SRD5A1: variants seen among roughly 807,000 people sequenced by gnomAD.
The protein encoded by SRD5A1 is 3-oxo-5-alpha-steroid 4-dehydrogenase 1.
A neutral mutation model predicts 28.2 loss-of-function variants in SRD5A1; 22 were observed. The ratio of observed to expected loss-of-function variants is 0.78; its 90% CI spans 0.56 to 1.12. SRD5A1 has a LOEUF of 1.12. Ranked by LOEUF, SRD5A1 falls within the 50% of genes most tolerant of loss-of-function variation. The probability of loss-of-function intolerance (pLI) is 0.00; values close to 1 mark genes in which losing one functional copy is unlikely to be tolerated. For synonymous variants in SRD5A1, 151 were observed against 135.0 expected, an observed-to-expected ratio of 1.12 and a Z score of -0.82; for missense variants, 300 against 346.7, an observed-to-expected ratio of 0.87 and a Z score of 1.07.
intron 2 of SRD5A1, 119 bp from the exon 3 acceptor site, chr5:6,655,959 A>G (rs1738818687): frequency 2.7e-6 from 2 of 727,318 alleles, no homozygotes; most frequent in Admixed American, 2.4e-5. Context: ...TATGGCTAAT[A>G]TGTTACACTA....
At chr5:6,642,859 T>A (rs1156252401) in intron 1 of SRD5A1, among the ~76,000 whole-genome samples, 3 of 152,230 alleles carry the variant, frequency 2.0e-5, no homozygotes, top group Admixed American at 6.5e-5. Context: ...CATAGTCAGC[T>A]TATTTGTGAC....
chr5:6,638,487 G>A (rs1428333490), intron 1 of SRD5A1, among the ~76,000 whole-genome samples: 1 of 152,240 alleles, frequency 6.6e-6, no homozygotes. Context: ...CCGGAGGTTA[G>A]TGGGTGGTTT....
chr5:6,640,476 A>G (rs1489415739), intron 1 of SRD5A1, among the ~76,000 whole-genome samples: 1 of 152,030 alleles, frequency 6.6e-6, no homozygotes, highest in Non-Finnish European at 1.5e-5. Flanking sequence ...ACAGACACCA[A>G]GGTTTGCAGT....
At chr5:6,642,767 T>G (rs1162815874) in intron 1 of SRD5A1, among the ~76,000 whole-genome samples, 2 of 152,238 alleles carry the variant, frequency 1.3e-5, no homozygotes, top group Non-Finnish European at 2.9e-5. Context: ...CAGAAAAGTT[T>G]CAGTCTCAGC....
intron 1 of SRD5A1, among the ~76,000 whole-genome samples, chr5:6,646,703 T>A (rs1449784518): frequency 6.6e-6 from 1 of 152,162 alleles, no homozygotes; most frequent in Non-Finnish European, 1.5e-5. Context: ...TCTATCTATT[T>A]TGTTGATCTT....
At chr5:6,639,716 T>C (rs758798975) in intron 1 of SRD5A1, among the ~76,000 whole-genome samples, 105 of 152,260 alleles carry the variant, frequency 6.9e-4, no homozygotes, top group Non-Finnish European at 1.1e-3. Context: ...AATTTCTCCG[T>C]GTCTCTCATT....
chr5:6,646,306 C>T (rs958316024), intron 1 of SRD5A1, among the ~76,000 whole-genome samples: 5 of 152,134 alleles, frequency 3.3e-5, no homozygotes, highest in Admixed American at 6.6e-5. Context: ...AATAAACATA[C>T]GTGTACATGT....
intron 4 of SRD5A1, among the ~76,000 whole-genome samples, chr5:6,666,396 CCTCA>C (rs1332339807): frequency 6.6e-6 from 1 of 152,168 alleles, no homozygotes; most frequent in Non-Finnish European, 1.5e-5. Context: ...GATTTGCCCG[CCTCA>C]GCCTCCCAAA....
intron 1 of SRD5A1, among the ~76,000 whole-genome samples, 159 bp downstream of exon 1, chr5:6,634,028 T>C (rs1434184168): frequency 6.6e-6 from 1 of 151,738 alleles, no homozygotes; most frequent in Non-Finnish European, 1.5e-5. Context: ...ACGGGTGCCC[T>C]TCCCCGAGTC....
chr5:6,662,386 G>A (rs1739034464), intron 3 of SRD5A1, among the ~76,000 whole-genome samples: 1 of 152,234 alleles, frequency 6.6e-6, no homozygotes, highest in African/African-American at 2.4e-5. Flanking sequence ...GCAGGGCATG[G>A]CCCATAATAC....
intron 1 of SRD5A1, among the ~76,000 whole-genome samples, chr5:6,640,420 C>G (rs1263865840): frequency 6.6e-6 from 1 of 152,220 alleles, no homozygotes; most frequent in Non-Finnish European, 1.5e-5. Context: ...TTAATACTCT[C>G]AGTTCAGCTC....
Position 6,670,931 on chromosome 5 carries a change from C to T in SRD5A1, c.*2663C>T, listed in dbSNP as rs1209007095. The stretch of plus-strand genomic sequence containing the variant: ...CTGATGGGCATTTGGGTTGGTTCCA[C>T]GATTTTGCAGTTGTGAATTGTGCTG... On this transcript the variant is annotated 3_prime_UTR_variant, in exon 5 of 5. Coordinates refer to ENST00000274192, the MANE Select transcript of SRD5A1 (RefSeq NM_001047.4). 6.6e-6 allele frequency: 1 copy of T among 152,140 alleles called. No homozygotes were observed. Among genetic ancestry groups the T allele is most frequent in the East Asian group, 1.9e-4 (1 of 5,198 alleles). The allele number at this position is 152,140 out of a possible 1,614,324, so 9.4% of individuals were successfully genotyped here.
chr5:6,670,335 A>C lies in SRD5A1; in HGVS notation c.*2067A>C, dbSNP rs1203906617. 1 of 140,790 alleles carries C rather than the reference A, an allele frequency of 7.1e-6. No individual in the cohort carries two copies. Among genetic ancestry groups the C allele is most frequent in the African/African-American group, 2.5e-5 (1 of 39,568 alleles). The allele number at this position is 140,790 out of a possible 1,614,324, so 8.7% of individuals were successfully genotyped here. ...GGCATGGCCATGGCTTCTCCCTCAG[A>C]GAGGCCTCTGTGCACGACTTCAGTC... On this transcript the variant is annotated 3_prime_UTR_variant, in exon 5 of 5. Transcript: ENST00000274192.
At chr5:6,644,881 G>C in intron 1 of SRD5A1, 1 of 455,966 alleles carries the variant, frequency 2.2e-6, no homozygotes, top group Non-Finnish European at 4.4e-6. Context: ...TTGTCTGCCC[G>C]GATCTGAATC....
intron 4 of SRD5A1, among the ~76,000 whole-genome samples, chr5:6,667,598 C>A (rs1739224007): frequency 6.6e-6 from 1 of 152,120 alleles, no homozygotes; most frequent in Admixed American, 6.5e-5. Flanking sequence ...GCTATTATCC[C>A]CAAAACAAAT....
intron 1 of SRD5A1, among the ~76,000 whole-genome samples, chr5:6,643,914 G>A (rs756355074): frequency 2.0e-5 from 3 of 151,992 alleles, no homozygotes; most frequent in Non-Finnish European, 2.9e-5. Flanking sequence ...GGTGAGTGCA[G>A]AGTCTGATAA....
intron 1 of SRD5A1, among the ~76,000 whole-genome samples, chr5:6,641,287 C>A (rs1000067194): frequency 1.3e-5 from 2 of 152,206 alleles, no homozygotes; most frequent in Non-Finnish European, 2.9e-5. Context: ...CCCGACCCCA[C>A]CCCACGCGAG....
At chr5:6,659,176 C>T (rs1034041380) in intron 3 of SRD5A1, among the ~76,000 whole-genome samples, 17 of 151,188 alleles carry the variant, frequency 1.1e-4, no homozygotes, top group Middle Eastern at 3.4e-3. Flanking sequence ...TGCAGTGGCG[C>T]GATCTCGGCT....
chr5:6,664,025 G>A (rs185234028), intron 4 of SRD5A1, among the ~76,000 whole-genome samples: 1,559 of 152,202 alleles, frequency 0.01, 13 homozygotes, highest in Non-Finnish European at 0.013. Context: ...CAGGAGCAAC[G>A]TGGGATCTTT....
Sources: allele counts gnomAD v4.1 joint callset (sites outside exome capture counted in the v4.1 genomes callset), GRCh38; gene constraint gnomAD v4.1.1; transcripts MANE v1.5; gene names NCBI Gene and HGNC (gene_info 2026-07-23, HGNC 2026-07-21).